AKT3: variants seen among roughly 807,000 people sequenced by gnomAD.
AKT3 encodes the protein RAC-gamma serine/threonine-protein kinase.
AKT3 carries 15 observed loss-of-function variants against 65.3 expected under a neutral mutation model. The observed-to-expected ratio is 0.23, with a 90% CI of 0.15 to 0.35. AKT3 has a LOEUF of 0.35. Among genes scored for constraint, AKT3 ranks in the 10% least tolerant of loss-of-function variants. The pLI is 1.00. For synonymous variants in AKT3, 206 were observed against 183.8 expected (o/e 1.12, Z -0.98); for missense variants, 243 against 576.5 (o/e 0.42, Z 5.92).
chr1:243,584,636 T>C (rs1314849573), intron 8 of AKT3, among the ~76,000 whole-genome samples: 1 of 152,076 alleles, frequency 6.6e-6, no homozygotes, highest in Non-Finnish European at 1.5e-5. Context: ...TGGTTCAACA[T>C]ATACAAATCA....
chr1:243,536,690 A>G (rs1444656828), intron 12 of AKT3, among the ~76,000 whole-genome samples: 1 of 152,186 alleles, frequency 6.6e-6, no homozygotes, highest in Non-Finnish European at 1.5e-5. Context: ...TTAAAGCTTT[A>G]ACTGTATACA....
chr1:243,811,507 C>T (rs1693151343), intron 2 of AKT3, among the ~76,000 whole-genome samples: 1 of 152,120 alleles, frequency 6.6e-6, no homozygotes, highest in Non-Finnish European at 1.5e-5. Flanking sequence ...AACCACTGCT[C>T]AACGAAATAA....
chr1:243,556,702 T>C (rs1164008892), intron 10 of AKT3, among the ~76,000 whole-genome samples: 1 of 152,178 alleles, frequency 6.6e-6, no homozygotes, highest in Non-Finnish European at 1.5e-5. Flanking sequence ...GCCTTACATT[T>C]CAGGTAACTG....
At chr1:243,583,760 A>C (rs1675594797) in intron 8 of AKT3, among the ~76,000 whole-genome samples, 1 of 151,984 alleles carries the variant, frequency 6.6e-6, no homozygotes, top group African/African-American at 2.4e-5. Context: ...TAAAAATAGT[A>C]TTTGAAATAA....
chr1:243,765,516 TTCTTA>T (rs1689765231), intron 2 of AKT3, among the ~76,000 whole-genome samples: 1 of 152,122 alleles, frequency 6.6e-6, no homozygotes, highest in Non-Finnish European at 1.5e-5. Flanking sequence ...CAAAAATCCC[TTCTTA>T]TAGAGTTTAC....
intron 2 of AKT3, among the ~76,000 whole-genome samples, chr1:243,711,897 T>C (rs886697605): frequency 6.6e-6 from 1 of 152,210 alleles, no homozygotes; most frequent in Non-Finnish European, 1.5e-5. Flanking sequence ...TTGCCTGTAC[T>C]ACTAAGATTT....
chr1:243,631,987 T>C (rs1342671109), intron 6 of AKT3, among the ~76,000 whole-genome samples: 1 of 152,224 alleles, frequency 6.6e-6, no homozygotes, highest in Non-Finnish European at 1.5e-5. Context: ...CACTGGAGTC[T>C]TGAACCCCTC....
chr1:243,641,292 A>G (rs1260466880), intron 5 of AKT3, among the ~76,000 whole-genome samples: 12 of 148,466 alleles, frequency 8.1e-5, no homozygotes, highest in African/African-American at 2.0e-4. Context: ...ACACACACGC[A>G]CACACACACA....
intron 2 of AKT3, among the ~76,000 whole-genome samples, chr1:243,803,864 A>G (rs1331402469): frequency 1.3e-5 from 2 of 152,222 alleles, no homozygotes; most frequent in South Asian, 2.1e-4. Context: ...AAAAACTGAC[A>G]TAAGGAGGAA....
chr1:243,584,043 T>C (rs1450247974), intron 8 of AKT3, among the ~76,000 whole-genome samples: 3 of 151,980 alleles, frequency 2.0e-5, no homozygotes, highest in Non-Finnish European at 2.9e-5. Context: ...GTTGGTTCTT[T>C]GAAAGGATAA....
At chr1:243,768,799 T>C (rs1264138206) in intron 2 of AKT3, among the ~76,000 whole-genome samples, 1 of 142,840 alleles carries the variant, frequency 7.0e-6, no homozygotes, top group African/African-American at 2.7e-5. Flanking sequence ...CACGCCTGTG[T>C]ACTCCAGTCC....
In AKT3 at chr1:243,515,426, C is replaced by T. The variant is rs76488638; in HGVS notation, c.1252-3000G>A. Among the ~76,000 whole-genome samples, 48 of 149,488 alleles carry T rather than the reference C, an allele frequency of 3.2e-4. No homozygotes were observed. The East Asian group carries it at 8.6e-3, about 27-fold the overall frequency. On this transcript the variant is annotated intron_variant, in intron 12 of 13. Transcript: ENST00000673466. ...AACCCAATTCCTAATTCACTCAGAG[C>T]GTTTCATTTTTTGTTTAAATAAGTT...
intron 6 of AKT3, among the ~76,000 whole-genome samples, chr1:243,634,117 A>G (rs1378727759): frequency 6.6e-6 from 1 of 152,102 alleles, no homozygotes; most frequent in Non-Finnish European, 1.5e-5. Context: ...ATCAAATAGC[A>G]TAGTATTTGC....
chr1:243,639,596 C>T (rs1680223193), intron 5 of AKT3, among the ~76,000 whole-genome samples: 9 of 152,146 alleles, frequency 5.9e-5, no homozygotes, highest in Admixed American at 4.6e-4. Context: ...CCCATCAGTG[C>T]CATGACAGTT....
intron 8 of AKT3, among the ~76,000 whole-genome samples, chr1:243,602,108 T>C (rs568643764): frequency 6.6e-6 from 1 of 152,356 alleles, no homozygotes; most frequent in East Asian, 1.9e-4. Context: ...GCAAGCATGT[T>C]ACATGTTGAG....
chr1:243,697,451 C>T (rs573288775), intron 2 of AKT3, among the ~76,000 whole-genome samples: 1 of 152,080 alleles, frequency 6.6e-6, no homozygotes, highest in Non-Finnish European at 1.5e-5. Context: ...TGATACTACA[C>T]CAGAATTCAA....
At chr1:243,666,169 T>C (rs553160495) in intron 3 of AKT3, among the ~76,000 whole-genome samples, 1 of 152,144 alleles carries the variant, frequency 6.6e-6, no homozygotes, top group Admixed American at 6.5e-5. Flanking sequence ...ATGCCCAGCT[T>C]ATTTTTCTAA....
chr1:243,514,581 T>C (rs1246511674), intron 12 of AKT3, among the ~76,000 whole-genome samples: 2 of 152,134 alleles, frequency 1.3e-5, no homozygotes, highest in Non-Finnish European at 2.9e-5. Context: ...TCATCACCAA[T>C]AAAATATAAG....
chr1:243,607,905 T>G (rs1014188438), intron 8 of AKT3, among the ~76,000 whole-genome samples: 5 of 152,184 alleles, frequency 3.3e-5, no homozygotes, highest in Admixed American at 2.0e-4. Context: ...TTTTCCCCCT[T>G]TGCTCAGCAC....
Sources: gnomAD v4.1 joint callset for allele counts (sites outside exome capture counted in the v4.1 genomes callset) on GRCh38, gnomAD v4.1.1 for gene constraint, MANE v1.5 for transcripts, NCBI Gene and HGNC (gene_info 2026-07-23, HGNC 2026-07-21) for gene names.